Variants in SRGAP2C observed in about 807,000 individuals in gnomAD.
The protein encoded by SRGAP2C is SLIT-ROBO Rho GTPase-activating protein 2C.
SRGAP2C carries 15 observed loss-of-function variants against 25.1 expected under a neutral mutation model. The ratio of observed to expected loss-of-function variants is 0.60; its 90% CI spans 0.40 to 0.92. SRGAP2C has a LOEUF of 0.92. Ranked by LOEUF, SRGAP2C falls within the 40% of genes least tolerant of loss-of-function variation. The pLI is 0.00. For missense variants in SRGAP2C, 144 were observed against 264.4 expected (o/e 0.54, Z 3.16); for synonymous variants, 44 against 96.6 (o/e 0.46, Z 3.19).
intron 2 of SRGAP2C, among the ~76,000 whole-genome samples, chr1:121,273,989 A>G (rs1657041858): frequency 6.6e-6 from 1 of 151,336 alleles, no homozygotes; most frequent in South Asian, 2.1e-4. Flanking sequence ...AGCCAGCAGC[A>G]AGGTAGTTGT....
chr1:121,208,556 C>T (rs1375302019), intron 2 of SRGAP2C, among the ~76,000 whole-genome samples: 4 of 152,142 alleles, frequency 2.6e-5, no homozygotes, highest in Non-Finnish European at 5.9e-5. Flanking sequence ...CATTGGGGAA[C>T]CTCTTGGGCT....
chr1:121,307,389 T>C (rs1657864382), intron 3 of SRGAP2C, among the ~76,000 whole-genome samples: 4 of 151,374 alleles, frequency 2.6e-5, no homozygotes, highest in African/African-American at 9.7e-5. Context: ...TTGTAAAACA[T>C]TGCTTTAAGA....
At chr1:121,310,347 G>A (rs1438064840) in intron 3 of SRGAP2C, among the ~76,000 whole-genome samples, 1 of 119,608 alleles carries the variant, frequency 8.4e-6, no homozygotes, top group African/African-American at 3.5e-5. Flanking sequence ...TGAGTAGGTT[G>A]CAAAAATTTT....
chr1:121,295,736 T>C (rs1553338205), intron 3 of SRGAP2C, among the ~76,000 whole-genome samples: 87,635 of 142,736 alleles, frequency 0.61, 25,438 homozygotes, highest in East Asian at 0.78. Flanking sequence ...TTTTTGTTTT[T>C]GTTGTTGTTG....
At chr1:121,378,371 T>C (rs1369701177) in intron 7 of SRGAP2C, among the ~76,000 whole-genome samples, 2 of 126,446 alleles carry the variant, frequency 1.6e-5, no homozygotes, top group African/African-American at 6.4e-5. Context: ...AAGTTTCTCT[T>C]GTCTCTTCCC....
At chr1:121,270,675 G>T (rs868983899) in intron 2 of SRGAP2C, among the ~76,000 whole-genome samples, 3 of 136,324 alleles carry the variant, frequency 2.2e-5, no homozygotes, top group South Asian at 4.8e-4. Context: ...ATAATCATCA[G>T]CTCAGGGCCA....
intron 3 of SRGAP2C, among the ~76,000 whole-genome samples, chr1:121,310,880 G>T (rs1657966504): frequency 1.4e-5 from 1 of 71,410 alleles, no homozygotes; most frequent in Admixed American, 1.5e-4. Flanking sequence ...TTGTTCTTTT[G>T]GCTTAGGATT....
intron 2 of SRGAP2C, among the ~76,000 whole-genome samples, chr1:121,222,652 TA>T (rs1219193534): frequency 6.6e-6 from 1 of 152,022 alleles, no homozygotes; most frequent in Non-Finnish European, 1.5e-5. Context: ...AAAAAACCCC[TA>T]AAAAACAAAA....
At chr1:121,337,625 C>T (rs1658545778) in intron 4 of SRGAP2C, among the ~76,000 whole-genome samples, 1 of 140,870 alleles carries the variant, frequency 7.1e-6, no homozygotes, top group African/African-American at 2.6e-5. Flanking sequence ...GAGCAAAACT[C>T]CGACTCAAAA....
intron 4 of SRGAP2C, chr1:121,362,682 T>C (rs1310985149): frequency 3.3e-5 from 5 of 151,808 alleles, no homozygotes; most frequent in African/African-American, 9.7e-5. Flanking sequence ...TGGGAAGTGA[T>C]ACTCATGGTC....
intron 4 of SRGAP2C, among the ~76,000 whole-genome samples, chr1:121,335,610 T>C (rs1658498545): frequency 6.7e-6 from 1 of 149,958 alleles, no homozygotes; most frequent in South Asian, 2.1e-4. Context: ...TACAGGTGTG[T>C]ACCATCATGC....
In SRGAP2C at chr1:121,314,477, G is replaced by A. The variant is rs879241751; in HGVS notation, c.261-10001G>A. Among the ~76,000 whole-genome samples, 142 of 152,290 alleles carry A rather than the reference G, an allele frequency of 9.3e-4. 3 individuals are homozygous for A. The highest frequency in any genetic ancestry group is 6.5e-4 in the Admixed American group (10 of 15,300). ...TGTTCCGTTACTGGTGAGAAACTGC[G>A]TTCCTTTGGAGGAGGAGAGGCGCTC... is the stretch of plus-strand genomic sequence containing the variant. On this transcript the variant is annotated intron_variant, in intron 3 of 9. Transcript: ENST00000367123.
intron 2 of SRGAP2C, among the ~76,000 whole-genome samples, chr1:121,224,680 A>G (rs2101455443): frequency 7.4e-6 from 1 of 135,088 alleles, no homozygotes; most frequent in Non-Finnish European, 1.6e-5. Flanking sequence ...TGGCCCAGCT[A>G]CTCCTGTGTC....
At chr1:121,263,147 A>C (rs1553333755) in intron 2 of SRGAP2C, among the ~76,000 whole-genome samples, 1 of 151,366 alleles carries the variant, frequency 6.6e-6, no homozygotes, top group Non-Finnish European at 1.5e-5. Context: ...TGAGGTCAGG[A>C]GTTTGAGACC....
intron 2 of SRGAP2C, among the ~76,000 whole-genome samples, chr1:121,236,173 G>A (rs587697259): frequency 4.0e-5 from 6 of 151,534 alleles, no homozygotes; most frequent in Non-Finnish European, 8.8e-5. Context: ...ACACAGTTTG[G>A]GCTCTAGGAC....
intron 2 of SRGAP2C, among the ~76,000 whole-genome samples, chr1:121,191,875 G>A (rs1396710772): frequency 2.1e-5 from 3 of 144,914 alleles, no homozygotes; most frequent in Non-Finnish European, 4.5e-5. Context: ...TTTCTTTCTC[G>A]AGAACATTAG....
intron 2 of SRGAP2C, among the ~76,000 whole-genome samples, chr1:121,223,326 A>T (rs1655580558): frequency 8.6e-6 from 1 of 116,622 alleles, no homozygotes; most frequent in African/African-American, 3.4e-5. Flanking sequence ...TTTTATTATT[A>T]TTATTTTTTA....
At chr1:121,230,500 T>C (rs1655786630) in intron 2 of SRGAP2C, among the ~76,000 whole-genome samples, 1 of 88,362 alleles carries the variant, frequency 1.1e-5, no homozygotes, top group Non-Finnish European at 2.2e-5. Context: ...CCTACTACTC[T>C]CCTGCTCTTT....
chr1:121,338,574 C>CTT, intron 4 of SRGAP2C, among the ~76,000 whole-genome samples: 1 of 134,280 alleles, frequency 7.4e-6, no homozygotes, highest in South Asian at 2.4e-4. Context: ...TTTTTTTTTC[C>CTT]TTTTTCTCTG....
Sources: allele counts gnomAD v4.1 joint callset (sites outside exome capture counted in the v4.1 genomes callset), GRCh38; gene constraint gnomAD v4.1.1; transcripts MANE v1.5; gene names NCBI Gene and HGNC (gene_info 2026-07-23, HGNC 2026-07-21).